DIS3L2: variants seen among roughly 807,000 people sequenced by gnomAD.
DIS3L2 encodes the protein DIS3 like 3'-5' exoribonuclease 2.
DIS3L2 carries 34 observed loss-of-function variants against 97.5 expected under a neutral mutation model. That is an observed-to-expected ratio of 0.35 (90% CI 0.27 to 0.46). The LOEUF (loss-of-function observed/expected upper bound fraction) is 0.46. Among genes scored for constraint, DIS3L2 ranks in the 20% least tolerant of loss-of-function variants. DIS3L2 has a pLI of 1.00. For missense variants in DIS3L2, 1,038 were observed against 1,146.0 expected (o/e 0.91, Z 1.36); for synonymous variants, 435 against 445.2 (o/e 0.98, Z 0.29).
chr2:232,012,743 A>G (rs1694242274), intron 1 of DIS3L2, among the ~76,000 whole-genome samples: 1 of 152,096 alleles, frequency 6.6e-6, no homozygotes, highest in African/African-American at 2.4e-5. Flanking sequence ...AGATTTTGTC[A>G]GGGTAAGAGT....
At chr2:232,334,836 C>G in intron 19 of DIS3L2, 101 bp downstream of exon 19, 2 of 991,386 alleles carry the variant, frequency 2.0e-6, no homozygotes, top group South Asian at 1.6e-5. Flanking sequence ...CCCTCGCTCC[C>G]CCAGCCCTAG....
intron 9 of DIS3L2, among the ~76,000 whole-genome samples, chr2:232,202,392 A>G (rs1026638817): frequency 3.9e-5 from 6 of 152,206 alleles, no homozygotes; most frequent in African/African-American, 1.4e-4. Context: ...GCAAGACTCC[A>G]TCTCAAAAAC....
At position 232,037,597 on chromosome 2, in the gene DIS3L2, G is replaced by A. The variant is rs1403982024; in HGVS notation, c.366+7517G>A. Among the ~76,000 whole-genome samples, 1 of 152,170 alleles carries A rather than the reference G, an allele frequency of 6.6e-6. No individual in the cohort carries two copies. The highest frequency in any genetic ancestry group is 1.5e-5 in the Non-Finnish European group (1 of 68,012). On this transcript the variant is annotated intron_variant, in intron 5 of 20. Transcript: ENST00000325385. This position sits in a 1 kb window ranked among gnomAD's most constrained non-coding sequence, Gnocchi z 4.6. Reference sequence around the variant, plus strand: ...CACTGGGGTACGAAAAAAAACTCCTGCAGCTAGCTCGGTGTCTGCCCAAAC... The same window carrying A: ...CACTGGGGTACGAAAAAAAACTCCTACAGCTAGCTCGGTGTCTGCCCAAAC...
Position 231,971,429 on chromosome 2 carries a change from C to T in DIS3L2, c.-94+9664C>T, listed in dbSNP as rs1252294523. Among the ~76,000 whole-genome samples, 5 of 151,858 alleles carry T rather than the reference C, an allele frequency of 3.3e-5. No individual in the cohort carries two copies. In the East Asian group the frequency reaches 9.7e-4, roughly 29 times the overall value. On this transcript the variant is annotated intron_variant, in intron 1 of 20. Transcript: ENST00000325385. ...GAGTAGCTGGGACTACAGGTGTGTG[C>T]CACCACGCCCAGCTCATTGTTTGTT...
intron 1 of DIS3L2, among the ~76,000 whole-genome samples, chr2:232,014,113 TC>T (rs1165769620): frequency 6.6e-6 from 1 of 152,202 alleles, no homozygotes; most frequent in Non-Finnish European, 1.5e-5. Context: ...ATGTTCAGCA[TC>T]CAGGTGGAAG....
At chr2:232,139,697 A>G (rs772460147) in intron 8 of DIS3L2, among the ~76,000 whole-genome samples, 1 of 152,222 alleles carries the variant, frequency 6.6e-6, no homozygotes, top group Non-Finnish European at 1.5e-5. Context: ...GGGGAAATCC[A>G]GGATCATTTC....
chr2:231,981,007 G>T (rs1461346150), intron 1 of DIS3L2, among the ~76,000 whole-genome samples: 1 of 151,992 alleles, frequency 6.6e-6, no homozygotes, highest in Non-Finnish European at 1.5e-5. Context: ...GCAGTGGTGC[G>T]ATCTCGGCTC....
At chr2:232,110,361 A>G (rs768544234) in intron 6 of DIS3L2, among the ~76,000 whole-genome samples, 1 of 152,224 alleles carries the variant, frequency 6.6e-6, no homozygotes, top group East Asian at 1.9e-4. Context: ...CCAAAGGAAT[A>G]TAAATCATTC....
At chr2:231,964,947 C>G (rs1692671140) in intron 1 of DIS3L2, among the ~76,000 whole-genome samples, 1 of 152,132 alleles carries the variant, frequency 6.6e-6, no homozygotes, top group Non-Finnish European at 1.5e-5. Context: ...GACAGGAAGT[C>G]CTAATTCCTT....
intron 12 of DIS3L2, among the ~76,000 whole-genome samples, chr2:232,253,616 T>G (rs1484838799): frequency 6.6e-6 from 1 of 151,818 alleles, no homozygotes; most frequent in Non-Finnish European, 1.5e-5. Context: ...AAATGAATTC[T>G]GATCATTGTC....
intron 10 of DIS3L2, among the ~76,000 whole-genome samples, chr2:232,210,835 C>G (rs538776363): frequency 6.6e-6 from 1 of 151,692 alleles, no homozygotes; most frequent in Non-Finnish European, 1.5e-5. Flanking sequence ...GCATGCTTCT[C>G]GGTGGGTAGC....
At chr2:232,202,374 G>A (rs890998857) in intron 9 of DIS3L2, among the ~76,000 whole-genome samples, 10 of 152,120 alleles carry the variant, frequency 6.6e-5, no homozygotes, top group African/African-American at 2.4e-4. Context: ...CTCCAGCCTG[G>A]CGACAGAGCA....
At chr2:232,003,962 G>A (rs1040841078) in intron 1 of DIS3L2, among the ~76,000 whole-genome samples, 4 of 152,154 alleles carry the variant, frequency 2.6e-5, no homozygotes, top group Non-Finnish European at 5.9e-5. Flanking sequence ...GGTTCACTCA[G>A]TTTATTGAAT....
chr2:232,083,636 A>C (rs1696481554), intron 5 of DIS3L2, among the ~76,000 whole-genome samples: 1 of 151,944 alleles, frequency 6.6e-6, no homozygotes, highest in Non-Finnish European at 1.5e-5. Flanking sequence ...CTGGGATTAC[A>C]CACGTGTGCC....
At chr2:232,108,019 CT>C (rs1697404368) in intron 6 of DIS3L2, among the ~76,000 whole-genome samples, 2 of 152,254 alleles carry the variant, frequency 1.3e-5, no homozygotes, top group South Asian at 4.1e-4. Flanking sequence ...GGACCCCTCC[CT>C]AACTTATTGT....
chr2:232,282,896 C>A lies in DIS3L2; in HGVS notation c.1660-17144C>A, dbSNP rs1454326672. ...GGCTGCCTGTTCTCATGAGGCTGCG[C>A]ACATGAAGGCGCCTGTTGGAAGCGC... On this transcript the variant is annotated intron_variant, in intron 13 of 20. Transcript: ENST00000325385. Among the ~76,000 whole-genome samples the A allele has an allele frequency of 2.6e-5, 4 of 152,190 alleles. No individual in the cohort carries two copies. In the East Asian group the frequency reaches 7.7e-4, roughly 29 times the overall value.
chr2:232,084,714 A>G (rs1696519632), intron 5 of DIS3L2, among the ~76,000 whole-genome samples: 1 of 152,176 alleles, frequency 6.6e-6, no homozygotes. Context: ...AACAAGCAAA[A>G]AAGAAAATTT....
At chr2:231,990,582 G>A (rs1693557101) in intron 1 of DIS3L2, among the ~76,000 whole-genome samples, 3 of 152,116 alleles carry the variant, frequency 2.0e-5, no homozygotes, top group African/African-American at 7.2e-5. Context: ...CAAGCTATTT[G>A]TTGAAACAAT....
chr2:232,290,400 T>C (rs6717918), intron 13 of DIS3L2, among the ~76,000 whole-genome samples: 63,020 of 152,114 alleles, frequency 0.41, 16,755 homozygotes, highest in African/African-American at 0.75. Flanking sequence ...GAGCTCTTCC[T>C]TGCTGGGCTC....
Sources: gnomAD v4.1 joint callset for allele counts (sites outside exome capture counted in the v4.1 genomes callset) on GRCh38, gnomAD v4.1.1 for gene constraint, Gnocchi (gnomAD v3.1) non-coding constraint, MANE v1.5 for transcripts, NCBI Gene and HGNC (gene_info 2026-07-23, HGNC 2026-07-21) for gene names.